The following MICOS10 variants were observed in gnomAD, a reference collection of about 807,000 sequenced individuals.
MICOS10 encodes the protein mitochondrial contact site and cristae organizing system subunit 10.
In MICOS10, 5 loss-of-function variants were observed where a neutral mutation model predicts 13.4. That is an observed-to-expected ratio of 0.37 (90% CI 0.20 to 0.78). The LOEUF (loss-of-function observed/expected upper bound fraction) is 0.78, where lower values mean the gene tolerates loss of function less well. Ranked by LOEUF, MICOS10 falls within the 30% of genes least tolerant of loss-of-function variation. The pLI is 0.47. For synonymous variants in MICOS10, 35 were observed against 33.6 expected, an observed-to-expected ratio of 1.04 and a Z score of -0.15; for missense variants, 101 against 94.6, an observed-to-expected ratio of 1.07 and a Z score of -0.28.
At chr1:19,599,246 G>T (rs534609097) in intron 1 of MICOS10, among the ~76,000 whole-genome samples, 1 of 151,980 alleles carries the variant, frequency 6.6e-6, no homozygotes, top group South Asian at 2.1e-4. Flanking sequence ...TGGTAGAGAC[G>T]GTGTTTTGCC....
chr1:19,601,707 G>A (rs1165278849), intron 1 of MICOS10, among the ~76,000 whole-genome samples: 1 of 152,088 alleles, frequency 6.6e-6, no homozygotes, highest in Non-Finnish European at 1.5e-5. Flanking sequence ...TTCTAGTATG[G>A]TTTGAACTGA....
At chr1:19,623,084 G>A (rs921753129) in intron 2 of MICOS10, among the ~76,000 whole-genome samples, 3 of 152,128 alleles carry the variant, frequency 2.0e-5, no homozygotes, top group African/African-American at 7.2e-5. Context: ...ACCATGCCTG[G>A]CTAATTTTTT....
At chr1:19,599,534 T>C (rs2094805909) in intron 1 of MICOS10, among the ~76,000 whole-genome samples, 1 of 152,150 alleles carries the variant, frequency 6.6e-6, no homozygotes, top group Non-Finnish European at 1.5e-5. Flanking sequence ...TGATTCAGAC[T>C]CTTTTGCTGT....
At chr1:19,601,659 A>G (rs185739735) in intron 1 of MICOS10, among the ~76,000 whole-genome samples, 9 of 139,244 alleles carry the variant, frequency 6.5e-5, no homozygotes, top group Admixed American at 3.6e-4. Context: ...TAAAACCTCT[A>G]TTTATTTTGT....
At chr1:19,600,410 G>A (rs2094809561) in intron 1 of MICOS10, among the ~76,000 whole-genome samples, 3 of 152,130 alleles carry the variant, frequency 2.0e-5, no homozygotes, top group Admixed American at 6.5e-5. Flanking sequence ...GTTGCTTCCT[G>A]TTTTCTCTGG....
At chr1:19,617,291 C>T in intron 1 of MICOS10, 2 of 985,318 alleles carry the variant, frequency 2.0e-6, no homozygotes, top group Non-Finnish European at 2.4e-6. Flanking sequence ...CGAGAAATCC[C>T]TGCAGATGTT....
At chr1:19,621,337 G>A (rs2094902623) in intron 1 of MICOS10, among the ~76,000 whole-genome samples, 1 of 152,160 alleles carries the variant, frequency 6.6e-6, no homozygotes, top group Non-Finnish European at 1.5e-5. Flanking sequence ...AGGTTGTCTA[G>A]CATTCTGAGC....
In MICOS10 at chr1:19,598,901, T is replaced by C. The variant is rs533025671; in HGVS notation, c.64+1792T>C. On this transcript the variant is annotated intron_variant, in intron 1 of 3. Coordinates refer to ENST00000322753, the MANE Select transcript of MICOS10 (RefSeq NM_001032363.4). ...AAAATTTTTTAATGTATTTTATTTA[T>C]ATTTATTTTTAATTAACTTATTTTT... 4.6e-5 allele frequency among the ~76,000 whole-genome samples: 7 copies of C among 152,216 alleles called. No homozygotes were observed. In the South Asian group the frequency reaches 1.5e-3, roughly 32 times the overall value.
At chr1:19,624,073 C>G (rs1350519130) in intron 3 of MICOS10, among the ~76,000 whole-genome samples, 1 of 152,118 alleles carries the variant, frequency 6.6e-6, no homozygotes, top group Non-Finnish European at 1.5e-5. Context: ...TCACTGCAAC[C>G]GGGTTCAAGT....
intron 1 of MICOS10, among the ~76,000 whole-genome samples, chr1:19,607,424 A>G (rs1366720285): frequency 6.6e-6 from 1 of 152,228 alleles, no homozygotes; most frequent in Non-Finnish European, 1.5e-5. Context: ...AGTGCATTTC[A>G]GTATTGAATC....
chr1:19,601,259 C>A (rs968375803), intron 1 of MICOS10: 1 of 330,092 alleles, frequency 3.0e-6, no homozygotes, highest in Non-Finnish European at 6.0e-6. Context: ...TTTATAAATA[C>A]CCTTGCCCCC....
Position 19,608,411 on chromosome 1 carries a change from A to G in MICOS10, c.64+11302A>G, listed in dbSNP as rs762407418. On this transcript the variant is annotated intron_variant, in intron 1 of 3. Transcript: ENST00000322753. ...TGCCCTACACATCCAACTCCGGGCCACAGGAGGAAATAGGACCAAGACCCT... is the reference window on the plus strand; with the variant it reads ...TGCCCTACACATCCAACTCCGGGCCGCAGGAGGAAATAGGACCAAGACCCT... 4.0e-6 allele frequency: 5 copies of G among 1,264,222 alleles called. No homozygotes were observed. The East Asian group carries it at 7.0e-5, about 18-fold the overall frequency. The allele number at this position is 1,264,222 out of a possible 1,614,324, so 78.3% of individuals were successfully genotyped here.
intron 2 of MICOS10, among the ~76,000 whole-genome samples, chr1:19,622,626 G>A (rs949359416): frequency 1.3e-5 from 2 of 152,264 alleles, no homozygotes; most frequent in East Asian, 3.9e-4. Flanking sequence ...TTTGGATACC[G>A]AATAGATGCC....
At position 19,628,657 on chromosome 1, in the gene MICOS10, G is replaced by A. The variant is rs1399562549; in HGVS notation, c.*2256G>A. 7 of 146,798 alleles carry A rather than the reference G, an allele frequency of 4.8e-5. No individual in the cohort carries two copies. The highest frequency in any genetic ancestry group is 2.2e-4 in the South Asian group (1 of 4,632). 9.1% of individuals were successfully genotyped at this position (146,798 alleles called of 1,614,324 possible). ...AGATCGCGCCACTGCACTCCAGCCC[G>A]GCGACAGAGCGAGAATCTGTCTCAA... On this transcript the variant is annotated 3_prime_UTR_variant, in exon 4 of 4. Transcript: ENST00000322753.
chr1:19,620,289 C>G (rs1294444135), intron 1 of MICOS10, among the ~76,000 whole-genome samples: 1 of 152,200 alleles, frequency 6.6e-6, no homozygotes, highest in East Asian at 1.9e-4. Flanking sequence ...GAGTTGGTGT[C>G]CCCCGATCAG....
chr1:19,608,102 C>A, intron 1 of MICOS10: 1 of 942,070 alleles, frequency 1.1e-6, no homozygotes, highest in Non-Finnish European at 1.8e-6. Context: ...AGTCTGGAGA[C>A]GACGTGCAGA....
chr1:19,616,862 T>C (rs2094886255), intron 1 of MICOS10, among the ~76,000 whole-genome samples: 1 of 152,214 alleles, frequency 6.6e-6, no homozygotes, highest in African/African-American at 2.4e-5. Flanking sequence ...GCTTTGTAGA[T>C]GTTAGTACCT....
chr1:19,611,419 A>G (rs1362006043), intron 1 of MICOS10, among the ~76,000 whole-genome samples: 1 of 151,276 alleles, frequency 6.6e-6, no homozygotes, highest in East Asian at 1.9e-4. Context: ...ATGTATTCCC[A>G]GAAAAGATTA....
chr1:19,625,135 C>G (rs1225063388), intron 3 of MICOS10, among the ~76,000 whole-genome samples: 1 of 152,178 alleles, frequency 6.6e-6, no homozygotes, highest in African/African-American at 2.4e-5. Flanking sequence ...ATAATTTCTA[C>G]CTATAGTGTT....
Sources: gnomAD v4.1 joint callset for allele counts (sites outside exome capture counted in the v4.1 genomes callset) on GRCh38, gnomAD v4.1.1 for gene constraint, MANE v1.5 for transcripts, NCBI Gene and HGNC (gene_info 2026-07-23, HGNC 2026-07-21) for gene names.